Variants in ZMIZ1 observed in about 807,000 individuals in gnomAD.
ZMIZ1 encodes zinc finger MIZ domain-containing protein 1.
Under a neutral mutation model 113.9 loss-of-function variants are expected in ZMIZ1, and 17 were observed. The ratio of observed to expected loss-of-function variants is 0.15; its 90% CI spans 0.10 to 0.22. The LOEUF is 0.22. ZMIZ1 is among the 10% of genes least tolerant of loss of function. The probability of loss-of-function intolerance (pLI) is 1.00; values close to 1 mark genes in which losing one functional copy is unlikely to be tolerated. For synonymous variants in ZMIZ1, 607 were observed against 603.1 expected, an observed-to-expected ratio of 1.01 and a Z score of -0.09; for missense variants, 1,059 against 1,477.8, an observed-to-expected ratio of 0.72 and a Z score of 4.65.
rs113610026 is a variant in ZMIZ1 at position 79,231,015 on chromosome 10, G to A, written c.280+14741G>A. Among the ~76,000 whole-genome samples the A allele has an allele frequency of 8.2e-3, 1,251 of 152,310 alleles. 15 individuals carry two copies. The highest frequency in any genetic ancestry group is 0.026 in the African/African-American group (1,070 of 41,566). ...GGGCTAGGCTAGGTTTTAGGGTTCC[G>A]GTCCTGTGCCTCCTCCTGGGGTGCC... On this transcript the variant is annotated intron_variant, in intron 7 of 24. Transcript: ENST00000334512.
intron 18 of ZMIZ1, among the ~76,000 whole-genome samples, chr10:79,303,196 T>C (rs1223584750): frequency 6.7e-6 from 1 of 149,630 alleles, no homozygotes; most frequent in Non-Finnish European, 1.5e-5. Context: ...CTGGGCACAG[T>C]GGCTCATGCC....
chr10:79,124,449 A>G (rs7921677), intron 2 of ZMIZ1, among the ~76,000 whole-genome samples: 4,915 of 152,318 alleles, frequency 0.032, 110 homozygotes, highest in African/African-American at 0.056. Flanking sequence ...TTTCCCTACC[A>G]CAACAAACTG....
At chr10:79,299,394 C>T (rs1180353107) in intron 16 of ZMIZ1, among the ~76,000 whole-genome samples, 1 of 152,208 alleles carries the variant, frequency 6.6e-6, no homozygotes, top group African/African-American at 2.4e-5. Context: ...GTCAAGGTGT[C>T]GTGGCCCAAG....
chr10:79,282,499 C>T (rs1043692935), intron 8 of ZMIZ1, among the ~76,000 whole-genome samples: 1 of 152,186 alleles, frequency 6.6e-6, no homozygotes. Context: ...CTGGAGGGTC[C>T]CTGGTGACTG....
chr10:79,189,099 G>A (rs1363378670), intron 4 of ZMIZ1, among the ~76,000 whole-genome samples: 2 of 152,196 alleles, frequency 1.3e-5, no homozygotes, highest in Non-Finnish European at 2.9e-5. Context: ...GCCACTGCTG[G>A]AGGAGCTCAC....
intron 4 of ZMIZ1, among the ~76,000 whole-genome samples, chr10:79,170,972 G>A (rs1482237190): frequency 6.6e-6 from 1 of 152,156 alleles, no homozygotes; most frequent in Non-Finnish European, 1.5e-5. Flanking sequence ...AGGTCCGAGG[G>A]GCTGCCTGCT....
chr10:79,216,801 G>A (rs1167210294), intron 7 of ZMIZ1, among the ~76,000 whole-genome samples: 5 of 152,178 alleles, frequency 3.3e-5, no homozygotes, highest in Admixed American at 6.5e-5. Context: ...CACAAAAGTC[G>A]AAACAAAATG....
intron 6 of ZMIZ1, among the ~76,000 whole-genome samples, chr10:79,213,058 C>A (rs183049213): frequency 6.6e-6 from 1 of 152,128 alleles, no homozygotes. Context: ...ACCCCCACCC[C>A]GCCACCGTGG....
At chr10:79,272,412 C>T (rs752602759) in intron 7 of ZMIZ1, among the ~76,000 whole-genome samples, 1 of 152,236 alleles carries the variant, frequency 6.6e-6, no homozygotes. Flanking sequence ...AATGAGGTTT[C>T]GAATCGAATC....
chr10:79,298,724 C>T, intron 15 of ZMIZ1, 144 bp downstream of exon 15: 1 of 817,538 alleles, frequency 1.2e-6, no homozygotes, highest in Non-Finnish European at 1.8e-6. Context: ...CAGGGGCACA[C>T]TCAAGGCGGG....
intron 2 of ZMIZ1, among the ~76,000 whole-genome samples, chr10:79,121,205 CA>C (rs1844274265): frequency 1.3e-5 from 2 of 152,200 alleles, no homozygotes. Flanking sequence ...AGGGATAGGT[CA>C]TTTATTACCC....
chr10:79,293,733 G>A (rs1163472110), intron 12 of ZMIZ1, 80 bp downstream of exon 12: 1 of 1,603,074 alleles, frequency 6.2e-7, no homozygotes, highest in Non-Finnish European at 8.5e-7. Flanking sequence ...TACGGCTTTG[G>A]AAGGGGTGTG....
chr10:79,152,305 C>T (rs1282253096), intron 3 of ZMIZ1, among the ~76,000 whole-genome samples: 1 of 152,132 alleles, frequency 6.6e-6, no homozygotes, highest in Admixed American at 6.5e-5. Context: ...TTGAGACCAG[C>T]CTGGGCAACA....
intron 1 of ZMIZ1, among the ~76,000 whole-genome samples, chr10:79,085,698 A>G (rs935571613): frequency 6.6e-6 from 1 of 152,230 alleles, no homozygotes; most frequent in Non-Finnish European, 1.5e-5. Flanking sequence ...TCAGCCCAAG[A>G]GATGCCCCTG....
chr10:79,221,582 C>T (rs887989429), intron 7 of ZMIZ1, among the ~76,000 whole-genome samples: 3 of 151,962 alleles, frequency 2.0e-5, no homozygotes, highest in Non-Finnish European at 2.9e-5. Flanking sequence ...GGGGACTTGG[C>T]GGGCAGCACT....
In ZMIZ1 at chr10:79,197,574, C is replaced by T. The variant is rs72816298; in HGVS notation, c.-49-4010C>T. Among the ~76,000 whole-genome samples, 530 of 150,046 alleles carry T rather than the reference C, an allele frequency of 3.5e-3. 2 individuals are homozygous for T. Among genetic ancestry groups the T allele is most frequent in the Non-Finnish European group, 6.3e-3 (430 of 67,770 alleles). The stretch of plus-strand genomic sequence containing the variant: ...GTAGCAAGCGGAGCTGCCCTGATTA[C>T]GCCCCTGCCAACCCAGACCATACAC... On this transcript the variant is annotated intron_variant, in intron 4 of 24. Coordinates refer to ENST00000334512, the MANE Select transcript of ZMIZ1 (RefSeq NM_020338.4).
At chr10:79,261,575 G>C (rs1354096925) in intron 7 of ZMIZ1, among the ~76,000 whole-genome samples, 1 of 152,244 alleles carries the variant, frequency 6.6e-6, no homozygotes, top group Admixed American at 6.5e-5. Context: ...AGAGCCGGCA[G>C]TGAGGCGGAG....
At chr10:79,201,470 C>A in intron 4 of ZMIZ1, 114 bp from the exon 5 acceptor site, 1 of 768,662 alleles carries the variant, frequency 1.3e-6, no homozygotes, top group Non-Finnish European at 2.2e-6. Context: ...CCCCACAGGG[C>A]CCAGCAAAGG....
chr10:79,207,696 A>G (rs1007939040), intron 5 of ZMIZ1, among the ~76,000 whole-genome samples: 2 of 152,182 alleles, frequency 1.3e-5, no homozygotes, highest in Admixed American at 6.5e-5. Flanking sequence ...CGTCACACAC[A>G]GCAGCCCCTA....
Sources: allele counts gnomAD v4.1 joint callset (sites outside exome capture counted in the v4.1 genomes callset), GRCh38; gene constraint gnomAD v4.1.1; transcripts MANE v1.5; gene names NCBI Gene and HGNC (gene_info 2026-07-23, HGNC 2026-07-21).